Variants in C16orf46 observed in about 807,000 individuals in gnomAD.
C16orf46 encodes the protein uncharacterized protein C16orf46.
A neutral mutation model predicts 5.5 loss-of-function variants in C16orf46; 7 were observed. That is an observed-to-expected ratio of 1.28 (90% confidence interval 0.73 to 2.40). The LOEUF (loss-of-function observed/expected upper bound fraction) is 2.40. Among genes scored for constraint, C16orf46 ranks in the 30% most tolerant of loss-of-function variants. The pLI is 0.00. For missense variants in C16orf46, 614 were observed against 476.0 expected (o/e 1.29, Z -2.70); for synonymous variants, 200 against 184.1 (o/e 1.09, Z -0.70).
downstream of C16orf46, among the ~76,000 whole-genome samples, chr16:81,058,833 G>A (rs1022633117): frequency 1.3e-5 from 2 of 152,100 alleles, no homozygotes; most frequent in Non-Finnish European, 2.9e-5. Flanking sequence ...CCTCCTTCCT[G>A]CCTTATGTGA....
intron 1 of C16orf46, among the ~76,000 whole-genome samples, chr16:81,075,355 C>T (rs745684183): frequency 4.6e-5 from 7 of 152,058 alleles, no homozygotes; most frequent in East Asian, 3.9e-4. Context: ...TTTGGGAGGC[C>T]GAGGCCGGTG....
rs1440267557 is a variant in C16orf46 at position 81,061,186 on chromosome 16, G to A, written c.1163C>T (p.Pro388Leu). ...TCAGAGGATCCTGTGGGTAGAGACA[G>A]GAATGATAACTCTGCTCACTGTGAG... The part of the protein sequence containing the change: ...PSLTVSRVII[P>L]VSTHRIL The change falls in exon 4 of 4, where the codon CCT becomes CTT. Residue 388 changes from proline to leucine, a missense_variant. Pro to Leu is a moderately conservative substitution (Grantham distance 98). Coordinates refer to ENST00000299578, the MANE Select transcript of C16orf46 (RefSeq NM_152337.3). The A allele has an allele frequency of 1.9e-6, 3 of 1,612,448 alleles. No homozygotes were observed. Among genetic ancestry groups the A allele is most frequent in the Non-Finnish European group, 8.5e-7 (1 of 1,179,156 alleles).
At chr16:81,071,607 G>T (rs556540378) in intron 1 of C16orf46, among the ~76,000 whole-genome samples, 1 of 152,216 alleles carries the variant, frequency 6.6e-6, no homozygotes, top group South Asian at 2.1e-4. Flanking sequence ...ATGGCCAGGC[G>T]TGGTGGTGTG....
At chr16:81,072,010 C>G (rs889264393) in intron 1 of C16orf46, 3 of 152,220 alleles carry the variant, frequency 2.0e-5, no homozygotes, top group Admixed American at 6.5e-5. Flanking sequence ...GAATAGGTAA[C>G]GTCCTCCTTC....
chr16:81,067,844 A>T (rs533571821), intron 1 of C16orf46, among the ~76,000 whole-genome samples: 14 of 152,338 alleles, frequency 9.2e-5, no homozygotes, highest in African/African-American at 3.4e-4. Context: ...AACAGATAAC[A>T]AGGTTTGTGT....
chr16:81,054,909 A>G (rs897592070), intron 3 of C16orf46, among the ~76,000 whole-genome samples: 9 of 152,192 alleles, frequency 5.9e-5, no homozygotes, highest in Admixed American at 3.9e-4. Context: ...CGGGCTCCCA[A>G]TGTGCTGGGA....
At chr16:81,063,221 C>T (rs1374229026) in intron 3 of C16orf46, among the ~76,000 whole-genome samples, 2 of 134,864 alleles carry the variant, frequency 1.5e-5, no homozygotes, top group African/African-American at 2.8e-5. Context: ...CCAGCCTGGG[C>T]GACAGAAAGA....
intron 3 of C16orf46, among the ~76,000 whole-genome samples, chr16:81,054,923 C>G (rs1231753714): frequency 6.6e-6 from 1 of 152,208 alleles, no homozygotes; most frequent in Admixed American, 6.5e-5. Flanking sequence ...GCTGGGATTA[C>G]AGGTGTGAGC....
rs562830352 is a variant in C16orf46, at chr16:81,066,839, C to T, written c.-127-558G>A. Among the ~76,000 whole-genome samples, 6 of 152,290 alleles carry T rather than the reference C, an allele frequency of 3.9e-5. No individual in the cohort carries two copies. The East Asian group carries it at 1.2e-3, about 29-fold the overall frequency. ...ACATCAAAGTCCATACAAACGTTTTCCACCACATCAAGAAAACACAAAGAT... is the reference window on the plus strand; with the variant it reads ...ACATCAAAGTCCATACAAACGTTTTTCACCACATCAAGAAAACACAAAGAT... On this transcript the variant is annotated intron_variant, in intron 1 of 3. Transcript: ENST00000299578.
chr16:81,067,451 G>A (rs544427697), intron 1 of C16orf46, among the ~76,000 whole-genome samples: 9 of 152,158 alleles, frequency 5.9e-5, no homozygotes, highest in Non-Finnish European at 7.4e-5. Flanking sequence ...TGATGTTATC[G>A]GAGAGCTCCA....
downstream of C16orf46, chr16:81,060,814 G>A (rs9937372): frequency 3.7e-6 from 1 of 269,712 alleles, no homozygotes; most frequent in South Asian, 8.3e-5. Context: ...GAGGGAAGGA[G>A]GCCCTTTGGA....
At chr16:81,053,919 G>T in exon 4 of C16orf46, 1 of 746,926 alleles carries the variant, frequency 1.3e-6, no homozygotes, top group Non-Finnish European at 2.2e-6. Context: ...TGCTCCAAAC[G>T]TGGCGTCTTC....
At chr16:81,068,820 G>A (rs1971741857) in intron 1 of C16orf46, among the ~76,000 whole-genome samples, 2 of 152,080 alleles carry the variant, frequency 1.3e-5, no homozygotes, top group South Asian at 4.1e-4. Context: ...TTGTGCCTCA[G>A]CCTCCCAAGT....
In C16orf46 at chr16:81,061,368, C is replaced by G; in HGVS notation, c.981G>C (p.Leu327=). The G allele has an allele frequency of 6.2e-7, 1 of 1,614,152 alleles. No individual in the cohort carries two copies. The highest frequency in any genetic ancestry group is 8.5e-7 in the Non-Finnish European group (1 of 1,180,018). Residue 327 remains leucine, a synonymous_variant, in exon 4 of 4, where the codon CTG becomes CTC. Coordinates refer to ENST00000299578, the MANE Select transcript of C16orf46 (RefSeq NM_152337.3). ...NVRYLAALQL[L]QKRGVQSYKS... is the part of the protein sequence containing the mutation. ...TGTAGCTTTGCACTCCCCGTTTCTG[C>G]AGAAGCTGCAAGGCAGCAAGGTAGC...
intron 2 of C16orf46, among the ~76,000 whole-genome samples, chr16:81,065,730 A>G (rs1002367396): frequency 1.1e-4 from 16 of 152,088 alleles, no homozygotes; most frequent in African/African-American, 3.9e-4. Context: ...AGTTTTTTTC[A>G]TTTTTTGTTT....
downstream of C16orf46, among the ~76,000 whole-genome samples, chr16:81,058,845 A>AT (rs1971378706): frequency 6.6e-6 from 1 of 152,126 alleles, no homozygotes; most frequent in Non-Finnish European, 1.5e-5. Context: ...CTTATGTGAT[A>AT]TTTTCCACCT....
intron 2 of C16orf46, 93 bp from the exon 3 acceptor site, chr16:81,064,086 A>C: frequency 1.5e-6 from 1 of 689,164 alleles, no homozygotes; most frequent in Non-Finnish European, 2.3e-6. Flanking sequence ...TTCAAGACAC[A>C]TTCAGGAATA....
At chr16:81,058,867 C>T (rs187493226), downstream of C16orf46, among the ~76,000 whole-genome samples, 126 of 152,284 alleles carry the variant, frequency 8.3e-4, no homozygotes, top group African/African-American at 2.8e-3. Flanking sequence ...GTACTTCAAA[C>T]GTCCCCGACC....
At chr16:81,068,557 TTCTTTGTA>T (rs1401139028) in intron 1 of C16orf46, among the ~76,000 whole-genome samples, 7 of 125,722 alleles carry the variant, frequency 5.6e-5, no homozygotes, top group African/African-American at 2.0e-4. Flanking sequence ...GCCTTTGTAT[TTCTTTGTA>T]TTTTTTTTTT....
Sources: allele counts gnomAD v4.1 joint callset (sites outside exome capture counted in the v4.1 genomes callset), GRCh38; gene constraint gnomAD v4.1.1; transcripts MANE v1.5; gene names NCBI Gene and HGNC (gene_info 2026-07-23, HGNC 2026-07-21).